The following DPYD variants were observed in gnomAD, a reference collection of about 807,000 sequenced individuals.
DPYD encodes dihydropyrimidine dehydrogenase [NADP(+)].
A neutral mutation model predicts 116.2 loss-of-function variants in DPYD; 109 were observed. That is an observed-to-expected ratio of 0.94 (90% CI 0.80 to 1.10). The LOEUF is 1.10. Among genes scored for constraint, DPYD ranks in the 50% least tolerant of loss-of-function variants. The probability of loss-of-function intolerance (pLI) is 0.00; values close to 1 mark genes in which losing one functional copy is unlikely to be tolerated. For synonymous variants in DPYD, 440 were observed against 432.0 expected (o/e 1.02, Z -0.23); for missense variants, 1,302 against 1,254.5 (o/e 1.04, Z -0.57).
chr1:97,920,871 G>A lies in DPYD; in HGVS notation c.39+13C>T. The A allele has an allele frequency of 6.3e-7, 1 of 1,590,264 alleles. No individual in the cohort carries two copies. The highest frequency in any genetic ancestry group is 8.6e-7 in the Non-Finnish European group (1 of 1,168,898). On this transcript the variant is annotated intron_variant, in intron 1 of 22. Transcript: ENST00000370192. The stretch of plus-strand genomic sequence containing the variant: ...ACCCCGCCACCACCGACGAGCCGGC[G>A]CGAAGTCCGTACCTCGATGTCCGCC...
At chr1:97,290,241 G>A (rs1171550348) in intron 18 of DPYD, among the ~76,000 whole-genome samples, 12 of 152,140 alleles carry the variant, frequency 7.9e-5, no homozygotes, top group East Asian at 1.9e-4. Context: ...AATCAATATC[G>A]TGAAAATGGC....
At chr1:97,171,419 G>T (rs1173635245) in intron 20 of DPYD, among the ~76,000 whole-genome samples, 1 of 152,146 alleles carries the variant, frequency 6.6e-6, no homozygotes, top group Non-Finnish European at 1.5e-5. Context: ...TCTGCTCTCT[G>T]CCAACTCAGA....
chr1:97,567,657 T>C (rs1324598090), intron 11 of DPYD, among the ~76,000 whole-genome samples: 1 of 152,142 alleles, frequency 6.6e-6, no homozygotes, highest in Non-Finnish European at 1.5e-5. Flanking sequence ...GTTTTTAATC[T>C]TAGTTATGTA....
At chr1:97,825,889 A>T (rs1274678236) in intron 3 of DPYD, among the ~76,000 whole-genome samples, 4 of 152,194 alleles carry the variant, frequency 2.6e-5, no homozygotes, top group Admixed American at 2.6e-4. Flanking sequence ...TGAAATACTC[A>T]GTCTCTGGGT....
chr1:97,718,878 T>C (rs2101020040), intron 5 of DPYD, among the ~76,000 whole-genome samples: 1 of 151,880 alleles, frequency 6.6e-6, no homozygotes, highest in African/African-American at 2.4e-5. Flanking sequence ...AAATAAAATT[T>C]TCAAGGGTTA....
chr1:97,711,782 G>C (rs1002354705), intron 5 of DPYD, among the ~76,000 whole-genome samples: 1 of 151,552 alleles, frequency 6.6e-6, no homozygotes, highest in Non-Finnish European at 1.5e-5. Context: ...TCCAAAACAC[G>C]TCCTTGTCAA....
chr1:97,510,812 T>A (rs1466954203), intron 13 of DPYD, among the ~76,000 whole-genome samples: 1 of 151,846 alleles, frequency 6.6e-6, no homozygotes, highest in Non-Finnish European at 1.5e-5. Flanking sequence ...AGTCTTTGTG[T>A]CAAGAGATCT....
intron 20 of DPYD, among the ~76,000 whole-genome samples, chr1:97,178,500 A>G (rs894254673): frequency 6.6e-6 from 1 of 152,112 alleles, no homozygotes; most frequent in Admixed American, 6.6e-5. Flanking sequence ...TTATGAAACT[A>G]TCAGATCTCG....
intron 10 of DPYD, among the ~76,000 whole-genome samples, chr1:97,584,442 T>C (rs1439727097): frequency 6.6e-6 from 1 of 152,126 alleles, no homozygotes; most frequent in Non-Finnish European, 1.5e-5. Flanking sequence ...ATTTTGGCTT[T>C]TGTTGCCATT....
intron 2 of DPYD, among the ~76,000 whole-genome samples, chr1:97,864,314 G>A (rs1428087022): frequency 6.6e-6 from 1 of 151,856 alleles, no homozygotes; most frequent in Non-Finnish European, 1.5e-5. Context: ...CAGGGGGCTG[G>A]GGGCCTGGGA....
At chr1:97,330,194 T>C (rs1386174682) in intron 16 of DPYD, among the ~76,000 whole-genome samples, 1 of 152,192 alleles carries the variant, frequency 6.6e-6, no homozygotes, top group Non-Finnish European at 1.5e-5. Flanking sequence ...CTGATTTTCC[T>C]GGCTTTAAAA....
At chr1:97,124,760 A>G (rs1215666319) in intron 20 of DPYD, among the ~76,000 whole-genome samples, 1 of 152,162 alleles carries the variant, frequency 6.6e-6, no homozygotes, top group African/African-American at 2.4e-5. Context: ...ATATTTGTGC[A>G]TCCACACAGT....
chr1:97,540,855 C>A (rs1401260518), intron 12 of DPYD, among the ~76,000 whole-genome samples: 1 of 152,150 alleles, frequency 6.6e-6, no homozygotes, highest in Non-Finnish European at 1.5e-5. Context: ...CACACACACA[C>A]ATACTCATCA....
chr1:97,263,230 C>T (rs1292683937), intron 18 of DPYD, among the ~76,000 whole-genome samples: 2 of 152,008 alleles, frequency 1.3e-5, no homozygotes, highest in East Asian at 1.9e-4. Context: ...TTCCATACTC[C>T]TATGGTAACA....
chr1:97,792,551 C>T (rs1243049848), intron 3 of DPYD, among the ~76,000 whole-genome samples: 3 of 152,050 alleles, frequency 2.0e-5, no homozygotes, highest in Admixed American at 6.5e-5. Context: ...CGCCTGGCCG[C>T]TACTGAGCTC....
chr1:97,602,956 T>G (rs2102282894), intron 8 of DPYD, among the ~76,000 whole-genome samples: 1 of 152,150 alleles, frequency 6.6e-6, no homozygotes, highest in African/African-American at 2.4e-5. Context: ...AGCCATAAAT[T>G]TATCCTCATT....
At chr1:97,869,665 G>T (rs1478785429) in intron 2 of DPYD, among the ~76,000 whole-genome samples, 2 of 151,672 alleles carry the variant, frequency 1.3e-5, no homozygotes, top group African/African-American at 4.8e-5. Context: ...AGATGGATTT[G>T]CACAAACAAA....
intron 16 of DPYD, among the ~76,000 whole-genome samples, chr1:97,361,336 C>T (rs1384192849): frequency 6.6e-6 from 1 of 152,082 alleles, no homozygotes; most frequent in Non-Finnish European, 1.5e-5. Flanking sequence ...AAAAAAAGTC[C>T]AGGACCAGAC....
rs1192199244 is a variant in DPYD at position 97,470,279 on chromosome 1, T to A, written c.1741-20056A>T. On this transcript the variant is annotated intron_variant, in intron 13 of 22. Coordinates refer to ENST00000370192, the MANE Select transcript of DPYD (RefSeq NM_000110.4). Reference sequence around the variant, plus strand: ...CCCAGACAAGTAAACAGCCTCTTTCTATTTCACTTTCCTCATTAGTAAAAT... The same window carrying A: ...CCCAGACAAGTAAACAGCCTCTTTCAATTTCACTTTCCTCATTAGTAAAAT... Among the ~76,000 whole-genome samples, 3 of 152,208 alleles carry A rather than the reference T, an allele frequency of 2.0e-5. No homozygotes were observed. The East Asian group carries it at 5.8e-4, about 29-fold the overall frequency.
Sources: gnomAD v4.1 joint callset for allele counts (sites outside exome capture counted in the v4.1 genomes callset) on GRCh38, gnomAD v4.1.1 for gene constraint, MANE v1.5 for transcripts, NCBI Gene and HGNC (gene_info 2026-07-23, HGNC 2026-07-21) for gene names.